CINP: variants seen among roughly 807,000 people sequenced by gnomAD.
CINP encodes the protein cyclin dependent kinase 2 interacting protein.
In CINP, 11 loss-of-function variants were observed where a neutral mutation model predicts 20.5. That is an observed-to-expected ratio of 0.54 (90% CI 0.34 to 0.89). The LOEUF (loss-of-function observed/expected upper bound fraction) is 0.89, where lower values mean the gene tolerates loss of function less well. Among genes scored for constraint, CINP ranks in the 40% least tolerant of loss-of-function variants. The pLI is 0.02. For missense variants in CINP, 213 were observed against 251.0 expected (o/e 0.85, Z 1.02); for synonymous variants, 108 against 102.1 (o/e 1.06, Z -0.35).
At chr14:102,359,726 A>T in intron 1 of CINP, 139 bp from the exon 2 acceptor site, 1 of 533,766 alleles carries the variant, frequency 1.9e-6, no homozygotes, top group Non-Finnish European at 3.2e-6. Flanking sequence ...GAAACTACAA[A>T]GTCTGAATGA....
At chr14:102,356,415 C>CAA (rs34032226) in intron 2 of CINP, among the ~76,000 whole-genome samples, 13 of 122,382 alleles carry the variant, frequency 1.1e-4, no homozygotes, top group Admixed American at 2.5e-4. Flanking sequence ...AAGACTGTCT[C>CAA]AAAAAAAAAA....
At chr14:102,361,138 T>C (rs1283672075) in intron 1 of CINP, among the ~76,000 whole-genome samples, 1 of 152,180 alleles carries the variant, frequency 6.6e-6, no homozygotes. Flanking sequence ...AGGTGTCGTT[T>C]AGGCTGAGAT....
chr14:102,362,160 T>C (rs918574358), intron 1 of CINP, among the ~76,000 whole-genome samples: 2 of 152,162 alleles, frequency 1.3e-5, no homozygotes, highest in African/African-American at 4.8e-5. Flanking sequence ...CAGGATCACA[T>C]CTGATTCATG....
chr14:102,351,810 T>C lies in CINP; in HGVS notation c.307-1762A>G, dbSNP rs984896896. Among the ~76,000 whole-genome samples, 1 of 152,190 alleles carries C rather than the reference T, an allele frequency of 6.6e-6. No homozygotes were observed. The highest frequency in any genetic ancestry group is 1.9e-4 in the East Asian group (1 of 5,198). ...TCCGTTTCACAGCTGGGAAATTGCT[T>C]AAGGTTGAGCTGAGGAAGGATGAGG... On this transcript the variant is annotated intron_variant, in intron 3 of 4. Coordinates refer to ENST00000216756, the MANE Select transcript of CINP (RefSeq NM_032630.3). The surrounding 1 kb of genome is among the most constrained non-coding windows in gnomAD (Gnocchi z 4.2).
chr14:102,349,363 G>A (rs1169826243), intron 4 of CINP, among the ~76,000 whole-genome samples: 1 of 152,094 alleles, frequency 6.6e-6, no homozygotes, highest in Non-Finnish European at 1.5e-5. Flanking sequence ...ATTCCACTAG[G>A]TGATTTTACC....
intron 1 of CINP, chr14:102,362,528 T>A (rs953907154): frequency 4.0e-5 from 28 of 702,690 alleles, no homozygotes; most frequent in Non-Finnish European, 5.5e-5. Flanking sequence ...CAAGGCTTGG[T>A]ACCCAGTGAA....
chr14:102,355,477 T>G, intron 3 of CINP: 1 of 248,156 alleles, frequency 4.0e-6, no homozygotes, highest in Non-Finnish European at 7.9e-6. Flanking sequence ...ATCACGCCAT[T>G]GCACTCCAGC....
intron 2 of CINP, among the ~76,000 whole-genome samples, chr14:102,358,910 T>G (rs1020644294): frequency 6.6e-6 from 1 of 151,788 alleles, no homozygotes; most frequent in African/African-American, 2.4e-5. Context: ...AATCAAAGAA[T>G]CTGTGGTTTT....
intron 3 of CINP, 35 bp downstream of exon 3, chr14:102,355,733 A>G (rs113341322): frequency 6.2e-7 from 1 of 1,609,916 alleles, no homozygotes; most frequent in Non-Finnish European, 8.5e-7. Flanking sequence ...ATTCAGTGAC[A>G]GTGACCACAA....
intron 1 of CINP, among the ~76,000 whole-genome samples, chr14:102,362,153 G>C (rs1172642397): frequency 6.6e-6 from 1 of 152,144 alleles, no homozygotes; most frequent in African/African-American, 2.4e-5. Context: ...CTGAGGGCAG[G>C]ATCACATCTG....
rs140733558 is a variant in CINP, at chr14:102,348,702, G to T, written c.494C>A (p.Thr165Lys). Reference protein sequence around the residue: ...MYRKELLLKRTVAKELAHTGD... With the variant: ...MYRKELLLKRKVAKELAHTGD... ...GGTGTGGGCAAGCTCCTTGGCCACC[G>T]TGCGCTTCAGGAGCAGCTCCTTCCT... is the stretch of plus-strand genomic sequence containing the variant. The change falls in exon 5 of 5, where the codon ACG becomes AAG. Residue 165 changes from threonine to lysine, a missense_variant. Physicochemically the swap from Thr to Lys is moderately conservative, Grantham distance 78. Coordinates refer to ENST00000216756, the MANE Select transcript of CINP (RefSeq NM_032630.3). The T allele has an allele frequency of 2.5e-6, 4 of 1,613,898 alleles. No individual in the cohort carries two copies. The highest frequency in any genetic ancestry group is 3.4e-6 in the Non-Finnish European group (4 of 1,179,910).
At chr14:102,362,776 T>C (rs1391459907) in intron 1 of CINP, 69 bp downstream of exon 1, 6 of 1,602,388 alleles carry the variant, frequency 3.7e-6, no homozygotes, top group Non-Finnish European at 5.1e-6. Context: ...GAGCTTCTGG[T>C]CCAACCTGCG....
chr14:102,353,607 C>T, intron 3 of CINP, among the ~76,000 whole-genome samples: 1 of 152,212 alleles, frequency 6.6e-6, no homozygotes, highest in African/African-American at 2.4e-5. Context: ...CCCGTAACCT[C>T]AGTCTAATTA....
chr14:102,361,131 T>C (rs1887134125), intron 1 of CINP, among the ~76,000 whole-genome samples: 1 of 152,088 alleles, frequency 6.6e-6, no homozygotes, highest in African/African-American at 2.4e-5. Flanking sequence ...CCTGAGAAGG[T>C]GTCGTTTAGG....
intron 3 of CINP, among the ~76,000 whole-genome samples, chr14:102,350,794 TTCTC>T (rs1281318984): frequency 5.6e-4 from 85 of 150,794 alleles, no homozygotes; most frequent in East Asian, 1.6e-3. Flanking sequence ...GTTTCTGATG[TTCTC>T]TCTCTCTCTC....
At position 102,348,380 on chromosome 14, in the gene CINP, C is replaced by T. The variant is rs1427341297; in HGVS notation, c.*177G>A. The T allele has an allele frequency of 1.2e-5, 7 of 607,078 alleles. No individual in the cohort carries two copies. Among genetic ancestry groups the T allele is most frequent in the African/African-American group, 1.8e-5 (1 of 54,062 alleles). The allele number at this position is 607,078 out of a possible 1,614,324, so 37.6% of individuals were successfully genotyped here. A position where few individuals can be genotyped will look rare whatever the true frequency, so the allele number is the denominator to read the frequency against. The stretch of plus-strand genomic sequence containing the variant: ...CTGAGCAGCACCACGTGGGGCTGGC[C>T]GCGGGTTGTGGGCATGAGCACGCCT... On this transcript the variant is annotated 3_prime_UTR_variant, in exon 5 of 5. Coordinates refer to ENST00000216756, the MANE Select transcript of CINP (RefSeq NM_032630.3).
At chr14:102,356,195 G>C (rs780898924) in intron 2 of CINP, among the ~76,000 whole-genome samples, 1 of 152,130 alleles carries the variant, frequency 6.6e-6, no homozygotes, top group Non-Finnish European at 1.5e-5. Context: ...CGGGAGGACT[G>C]CTTGAGTCCA....
intron 1 of CINP, among the ~76,000 whole-genome samples, chr14:102,359,933 C>T (rs902899122): frequency 3.3e-5 from 5 of 152,178 alleles, no homozygotes; most frequent in African/African-American, 9.7e-5. Context: ...CCCTTCCCTA[C>T]AGGATAATCT....
chr14:102,359,471 CATT>C lies in CINP; in HGVS notation c.121_123del (p.Asn41del), dbSNP rs1419411863. On this transcript the variant is annotated inframe_deletion, in exon 2 of 5. Transcript: ENST00000216756. ...TTATTTGCAGTGGTAAAACCTGCAT[CATT>C]GAGGGTTTCCCACTTCAGGATTAAA... The C allele has an allele frequency of 6.2e-7, 1 of 1,611,696 alleles. No individual in the cohort carries two copies. The highest frequency in any genetic ancestry group is 2.2e-5 in the East Asian group (1 of 44,782).
Sources: allele counts gnomAD v4.1 joint callset (sites outside exome capture counted in the v4.1 genomes callset), GRCh38; gene constraint gnomAD v4.1.1; non-coding constraint Gnocchi (gnomAD v3.1); transcripts MANE v1.5; gene names NCBI Gene and HGNC (gene_info 2026-07-23, HGNC 2026-07-21).